CNTN5: variants seen among roughly 807,000 people sequenced by gnomAD.
CNTN5 encodes the protein contactin 5, also known as contactin-5.
In CNTN5, 77 loss-of-function variants were observed where a neutral mutation model predicts 129.1. The observed-to-expected ratio is 0.60, with a 90% CI of 0.50 to 0.72. The LOEUF (loss-of-function observed/expected upper bound fraction) is 0.72. CNTN5 is among the 30% of genes least tolerant of loss of function. CNTN5 has a pLI of 0.00. For missense variants in CNTN5, 1,478 were observed against 1,328.8 expected (o/e 1.11, Z -1.75); for synonymous variants, 509 against 465.6 (o/e 1.09, Z -1.20).
At chr11:99,587,500 C>G (rs906334389) in intron 3 of CNTN5, among the ~76,000 whole-genome samples, 1 of 152,172 alleles carries the variant, frequency 6.6e-6, no homozygotes, top group East Asian at 1.9e-4. Flanking sequence ...GAAAAACCTA[C>G]AGTTTGATGC....
chr11:99,949,704 A>G (rs1950630637), intron 7 of CNTN5, among the ~76,000 whole-genome samples: 1 of 152,152 alleles, frequency 6.6e-6, no homozygotes, highest in African/African-American at 2.4e-5. Flanking sequence ...ATCTAGACAC[A>G]GGGCTCCTGG....
intron 1 of CNTN5, among the ~76,000 whole-genome samples, chr11:99,172,777 A>G (rs1282675348): frequency 1.3e-5 from 2 of 152,224 alleles, no homozygotes; most frequent in Non-Finnish European, 2.9e-5. Context: ...TAGAAGTGAC[A>G]CTTGAGCCAA....
intron 1 of CNTN5, among the ~76,000 whole-genome samples, chr11:99,058,348 C>T (rs1429533453): frequency 6.6e-6 from 1 of 151,808 alleles, no homozygotes; most frequent in Non-Finnish European, 1.5e-5. Flanking sequence ...GAGGTGGAGG[C>T]TGGAGATATA....
intron 16 of CNTN5, chr11:100,225,132 T>G (rs1433868726): frequency 5.9e-6 from 1 of 170,166 alleles, no homozygotes; most frequent in East Asian, 1.5e-4. Flanking sequence ...GAGATAAAAT[T>G]TGTGTGTGTG....
chr11:100,279,397 T>C (rs1431312772), intron 18 of CNTN5, among the ~76,000 whole-genome samples: 7 of 152,006 alleles, frequency 4.6e-5, no homozygotes, highest in African/African-American at 1.4e-4. Context: ...TTAGTTCTTC[T>C]TTAAATGTTT....
At chr11:99,534,029 G>A (rs929702715) in intron 2 of CNTN5, among the ~76,000 whole-genome samples, 5 of 152,104 alleles carry the variant, frequency 3.3e-5, no homozygotes, top group Non-Finnish European at 7.4e-5. Flanking sequence ...CCCATCAAAT[G>A]TCTGCCTTCT....
chr11:99,964,675 A>G (rs1455599779), intron 8 of CNTN5, among the ~76,000 whole-genome samples: 3 of 152,294 alleles, frequency 2.0e-5, no homozygotes, highest in Non-Finnish European at 4.4e-5. Flanking sequence ...TGGCCTCATA[A>G]AATGAGTTAG....
intron 3 of CNTN5, among the ~76,000 whole-genome samples, chr11:99,624,883 C>T (rs1951074320): frequency 6.6e-6 from 1 of 152,156 alleles, no homozygotes; most frequent in Non-Finnish European, 1.5e-5. Context: ...GAACCCATCA[C>T]CCCTAAAGGG....
intron 2 of CNTN5, among the ~76,000 whole-genome samples, chr11:99,408,794 CT>C (rs1189822911): frequency 7.2e-5 from 11 of 152,156 alleles, no homozygotes; most frequent in Non-Finnish European, 1.5e-4. Flanking sequence ...AGCCTGCCTA[CT>C]TTAATTAACA....
Position 99,697,316 on chromosome 11 carries a change from G to GGA in CNTN5, c.56-122213_56-122212dup, listed in dbSNP as rs1162972866. Among the ~76,000 whole-genome samples the GGA allele has an allele frequency of 7.3e-5, 11 of 150,470 alleles. No individual in the cohort carries two copies. In the East Asian group the frequency reaches 1.4e-3, roughly 19 times the overall value. On this transcript the variant is annotated intron_variant, in intron 3 of 24. Transcript: ENST00000524871. ...GGGTTGGGGAGAGAGAAAAAGAGGG[G>GGA]GAGAGAGAGAGAGAGAAACTTTACA...
chr11:99,835,000 C>T (rs1480880147), intron 4 of CNTN5, among the ~76,000 whole-genome samples: 1 of 152,116 alleles, frequency 6.6e-6, no homozygotes, highest in African/African-American at 2.4e-5. Flanking sequence ...ATATGTCTAC[C>T]TTCCATGTTT....
intron 3 of CNTN5, among the ~76,000 whole-genome samples, chr11:99,685,206 GT>G (rs1419359181): frequency 6.6e-6 from 1 of 151,286 alleles, no homozygotes; most frequent in African/African-American, 2.4e-5. Context: ...TACTTTCTAT[GT>G]TTTTTCTATT....
In CNTN5 at chr11:99,497,608, A is replaced by G. The variant is rs1946274918; in HGVS notation, c.-70-58537A>G. On this transcript the variant is annotated intron_variant, in intron 2 of 24. Transcript: ENST00000524871. ...AAACGAATAAAAACAGAATATTCAA[A>G]AAGAGTTGAATGACATACATGTAGC... is the stretch of plus-strand genomic sequence containing the variant. Among the ~76,000 whole-genome samples the G allele has an allele frequency of 2.6e-5, 4 of 152,226 alleles. No homozygotes were observed. The South Asian group carries it at 8.3e-4, about 32-fold the overall frequency.
chr11:100,050,568 G>A (rs912872088), intron 9 of CNTN5, among the ~76,000 whole-genome samples: 9 of 151,296 alleles, frequency 5.9e-5, no homozygotes, highest in Non-Finnish European at 8.8e-5. Context: ...TGGCACATGT[G>A]TACATATGTA....
intron 13 of CNTN5, among the ~76,000 whole-genome samples, chr11:100,158,299 A>C (rs1382743966): frequency 1.3e-5 from 2 of 151,836 alleles, no homozygotes; most frequent in Non-Finnish European, 2.9e-5. Context: ...AAGATGCATA[A>C]GTTCTGGAGA....
intron 2 of CNTN5, among the ~76,000 whole-genome samples, chr11:99,381,941 G>A (rs990700167): frequency 1.3e-5 from 2 of 151,846 alleles, no homozygotes; most frequent in Non-Finnish European, 2.9e-5. Flanking sequence ...TTCATCTGAT[G>A]CTCCTCGAGG....
intron 21 of CNTN5, chr11:100,337,518 C>G: frequency 1.4e-6 from 1 of 740,180 alleles, no homozygotes; most frequent in Non-Finnish European, 2.5e-6. Flanking sequence ...CCAGCTCAAA[C>G]GCATGTCTGT....
chr11:99,421,395 G>A (rs1269200810), intron 2 of CNTN5, among the ~76,000 whole-genome samples: 2 of 152,132 alleles, frequency 1.3e-5, no homozygotes, highest in South Asian at 4.1e-4. Flanking sequence ...AGAAGAATGG[G>A]CTCTGTACAT....
intron 16 of CNTN5, among the ~76,000 whole-genome samples, chr11:100,227,937 C>A (rs545143049): frequency 1.2e-4 from 18 of 152,166 alleles, no homozygotes; most frequent in Non-Finnish European, 1.9e-4. Flanking sequence ...CAGAAGTGAT[C>A]AAACACAAAG....
Sources: allele counts gnomAD v4.1 joint callset (sites outside exome capture counted in the v4.1 genomes callset), GRCh38; gene constraint gnomAD v4.1.1; transcripts MANE v1.5; gene names NCBI Gene and HGNC (gene_info 2026-07-23, HGNC 2026-07-21).